Variants in CALR3 observed in about 807,000 individuals in gnomAD.
CALR3 encodes calreticulin 3, also known as calreticulin-3.
Under a neutral mutation model 48.7 loss-of-function variants are expected in CALR3, and 39 were observed. The observed-to-expected ratio is 0.80, with a 90% CI of 0.62 to 1.05. The LOEUF (loss-of-function observed/expected upper bound fraction) is 1.05, where lower values mean the gene tolerates loss of function less well. CALR3 is among the 50% of genes least tolerant of loss of function. The pLI is 0.00. For missense variants in CALR3, 449 were observed against 474.7 expected (o/e 0.95, Z 0.50); for synonymous variants, 185 against 172.7 (o/e 1.07, Z -0.56).
intron 5 of CALR3, among the ~76,000 whole-genome samples, chr19:16,483,230 T>C (rs184930684): frequency 6.6e-5 from 10 of 152,238 alleles, no homozygotes; most frequent in African/African-American, 2.4e-4. Context: ...CCCTCTCCCT[T>C]CTTCAGTTTG....
intron 1 of CALR3, 54 bp downstream of exon 1, chr19:16,495,985 G>A (rs1282346053): frequency 6.4e-7 from 1 of 1,568,656 alleles, no homozygotes; most frequent in African/African-American, 1.4e-5. Flanking sequence ...CCAGCCTTAG[G>A]GGGCGGAGAT....
intron 2 of CALR3, among the ~76,000 whole-genome samples, chr19:16,495,227 CAAAAAAAAAAAAA>C (rs548752979): frequency 2.4e-5 from 3 of 123,128 alleles, no homozygotes. Context: ...CTCCTACTAC[CAAAAAAAAAAAAA>C]AAAAAAAAAA....
chr19:16,480,521 C>G, intron 8 of CALR3, 93 bp downstream of exon 8: 1 of 827,952 alleles, frequency 1.2e-6, no homozygotes, highest in South Asian at 1.4e-5. Context: ...CACTACATTA[C>G]AGCCTGGGTG....
At chr19:16,495,964 G>A in intron 1 of CALR3, 75 bp downstream of exon 1, 1 of 1,560,980 alleles carries the variant, frequency 6.4e-7, no homozygotes, top group Non-Finnish European at 8.7e-7. Context: ...TGGACCCCGT[G>A]GCGACTCTGG....
intron 2 of CALR3, among the ~76,000 whole-genome samples, chr19:16,495,462 G>A (rs2093405739): frequency 6.8e-6 from 1 of 148,070 alleles, no homozygotes; most frequent in Non-Finnish European, 1.5e-5. Context: ...GGGAGGCTGA[G>A]GCAGGAGAAT....
chr19:16,485,381 G>A, intron 3 of CALR3, 124 bp from the exon 4 acceptor site: 1 of 680,970 alleles, frequency 1.5e-6, no homozygotes, highest in East Asian at 2.8e-5. Context: ...CTGGAGTGCA[G>A]TGATCTTGGC....
chr19:16,492,044 G>A (rs1033542412), intron 2 of CALR3, among the ~76,000 whole-genome samples: 1 of 151,846 alleles, frequency 6.6e-6, no homozygotes, highest in Non-Finnish European at 1.5e-5. Context: ...GCCCAGGCTG[G>A]TCTTGAACTC....
intron 8 of CALR3, 113 bp from the exon 9 acceptor site, chr19:16,479,387 C>T (rs1489043678): frequency 3.4e-6 from 4 of 1,192,062 alleles, no homozygotes; most frequent in Non-Finnish European, 4.9e-6. Flanking sequence ...AGATCGAGAC[C>T]ATCCCGGCTA....
rs147880435 is a variant in CALR3 at position 16,490,275 on chromosome 19, C to T, written c.397+92G>A. 2.4e-5 allele frequency: 27 copies of T among 1,142,650 alleles called. No homozygotes were observed. In the African/African-American group the frequency reaches 3.3e-4, roughly 14 times the overall value. The allele number at this position is 1,142,650 out of a possible 1,614,324, so 70.8% of individuals were successfully genotyped here. On this transcript the variant is annotated intron_variant, in intron 3 of 8. Coordinates refer to ENST00000269881, the MANE Select transcript of CALR3 (RefSeq NM_145046.5). The stretch of plus-strand genomic sequence containing the variant: ...GATATACTCAATACTACTACCTTCA[C>T]TACATTAGCAAAGTCTTAGTCTAAA...
chr19:16,492,700 TA>T (rs544573583), intron 2 of CALR3, among the ~76,000 whole-genome samples: 1,871 of 142,604 alleles, frequency 0.013, 12 homozygotes, highest in Non-Finnish European at 0.019. Context: ...CTGTCTCTAC[TA>T]AAAAAAAAAA....
intron 7 of CALR3, 125 bp from the exon 8 acceptor site, chr19:16,480,831 G>A: frequency 1.3e-6 from 1 of 778,212 alleles, no homozygotes; most frequent in Non-Finnish European, 2.1e-6. Context: ...TTAGAGATGG[G>A]GTCTTGCTAT....
At chr19:16,487,630 G>A (rs962039819) in intron 3 of CALR3, among the ~76,000 whole-genome samples, 1 of 151,432 alleles carries the variant, frequency 6.6e-6, no homozygotes, top group African/African-American at 2.4e-5. Context: ...TTTGTATTTT[G>A]TATCATTTAT....
chr19:16,495,623 C>A, intron 2 of CALR3, 128 bp downstream of exon 2: 4 of 689,282 alleles, frequency 5.8e-6, no homozygotes, highest in Non-Finnish European at 1.0e-5. Context: ...CCCTTAAGTT[C>A]TACCTTTGCC....
In CALR3 at chr19:16,495,809, T is replaced by C. The variant is rs1220152014; in HGVS notation, c.135A>G (p.Arg45=). The change falls in exon 2 of 9, where the codon CGA becomes CGG. Residue 45 remains arginine, a synonymous_variant. Transcript: ENST00000269881. ...NRWLQSTNDS[R]FGHFRLSSGK... is the part of the protein sequence containing the mutation. ...CCGACGAAAGTCTAAAATGCCCAAA[T>C]CGGGAGTCATTGGTGGACTGCAACC... The C allele has an allele frequency of 6.2e-7, 1 of 1,614,060 alleles. No homozygotes were observed. The highest frequency in any genetic ancestry group is 8.5e-7 in the Non-Finnish European group (1 of 1,179,994).
At chr19:16,487,065 G>C (rs889440210) in intron 3 of CALR3, among the ~76,000 whole-genome samples, 1 of 152,084 alleles carries the variant, frequency 6.6e-6, no homozygotes. Context: ...GAGTGCAGTT[G>C]TGTGATCATA....
chr19:16,492,209 C>T (rs545679360), intron 2 of CALR3, among the ~76,000 whole-genome samples: 7 of 152,262 alleles, frequency 4.6e-5, no homozygotes, highest in African/African-American at 1.7e-4. Flanking sequence ...GTAATCTCAA[C>T]ACTTTGGGAG....
chr19:16,482,652 T>C (rs1239471762), intron 6 of CALR3, 26 bp downstream of exon 6: 1 of 1,614,134 alleles, frequency 6.2e-7, no homozygotes, highest in East Asian at 2.2e-5. Context: ...GGGGCATCCC[T>C]GGCATCATAC....
chr19:16,483,299 C>T (rs1254439860), intron 5 of CALR3, among the ~76,000 whole-genome samples: 2 of 152,214 alleles, frequency 1.3e-5, no homozygotes, highest in Non-Finnish European at 2.9e-5. Context: ...CAGGGCAACA[C>T]CACACTGCCT....
chr19:16,490,386 C>T lies in CALR3; in HGVS notation c.378G>A (p.Ser126=), dbSNP rs374869347. 173 of 1,614,074 alleles carry T rather than the reference C, an allele frequency of 1.1e-4. No individual in the cohort carries two copies. The highest frequency in any genetic ancestry group is 1.3e-4 in the Non-Finnish European group (156 of 1,180,006). ...ACTCACCAAACATAATATAGTACTGCGATTTTCCATTCAGGTTCTTCTGGT... is the reference window on the plus strand; with the variant it reads ...ACTCACCAAACATAATATAGTACTGTGATTTTCCATTCAGGTTCTTCTGGT... ...DIDQKNLNGK[S]QYYIMFGPDI... is the part of the protein sequence containing the mutation. The change falls in exon 3 of 9, where the codon TCG becomes TCA. Residue 126 remains serine, a synonymous_variant. Transcript: ENST00000269881.
Sources: allele counts gnomAD v4.1 joint callset (sites outside exome capture counted in the v4.1 genomes callset), GRCh38; gene constraint gnomAD v4.1.1; transcripts MANE v1.5; gene names NCBI Gene and HGNC (gene_info 2026-07-23, HGNC 2026-07-21).